The following GNAQ variants were observed in gnomAD, a reference collection of about 807,000 sequenced individuals.
The protein encoded by GNAQ is G protein subunit alpha q.
GNAQ carries 8 observed loss-of-function variants against 43.9 expected under a neutral mutation model. The ratio of observed to expected loss-of-function variants is 0.18; its 90% CI spans 0.11 to 0.33. The LOEUF (loss-of-function observed/expected upper bound fraction) is 0.33. Among genes scored for constraint, GNAQ ranks in the 10% least tolerant of loss-of-function variants. The pLI is 1.00. For missense variants in GNAQ, 158 were observed against 450.8 expected (o/e 0.35, Z 5.88); for synonymous variants, 155 against 170.7 (o/e 0.91, Z 0.71).
intron 5 of GNAQ, among the ~76,000 whole-genome samples, chr9:77,733,203 A>G (rs1444610065): frequency 6.6e-6 from 1 of 151,898 alleles, no homozygotes; most frequent in African/African-American, 2.4e-5. Flanking sequence ...TGAGTGTTCT[A>G]CCCTGACCAG....
rs59647438 is a variant in GNAQ at position 77,770,557 on chromosome 9, G to C, written c.735+23906C>G. ...TTTCTCGTTACTGTCTTTCCCTTCG[G>C]AAGCAGCTCTACTTCTATGTGAACT... On this transcript the variant is annotated intron_variant, in intron 5 of 6. Transcript: ENST00000286548. 4.7e-3 allele frequency among the ~76,000 whole-genome samples: 710 copies of C among 152,334 alleles called. 5 individuals carry two copies. The highest frequency in any genetic ancestry group is 0.016 in the African/African-American group (658 of 41,566).
chr9:77,798,284 T>C (rs1002440832), intron 3 of GNAQ, among the ~76,000 whole-genome samples: 6 of 152,216 alleles, frequency 3.9e-5, no homozygotes, highest in African/African-American at 1.2e-4. Flanking sequence ...TATCTAGTTA[T>C]ATGATACTTG....
chr9:77,939,016 G>C (rs1054756067), intron 1 of GNAQ, among the ~76,000 whole-genome samples: 2 of 152,192 alleles, frequency 1.3e-5, no homozygotes, highest in African/African-American at 4.8e-5. Flanking sequence ...AAGGAGGAGA[G>C]GGCAGCCTTG....
chr9:77,864,149 A>C (rs1827909197), intron 2 of GNAQ, among the ~76,000 whole-genome samples: 1 of 147,420 alleles, frequency 6.8e-6, no homozygotes. Context: ...AGGAAGAAAG[A>C]GGGGAGGAAG....
intron 5 of GNAQ, among the ~76,000 whole-genome samples, chr9:77,773,748 G>T (rs956294717): frequency 2.6e-5 from 4 of 152,200 alleles, no homozygotes; most frequent in Admixed American, 6.5e-5. Context: ...GTGAAAACAT[G>T]TTAGAGATGT....
chr9:77,909,898 T>C (rs920534318), intron 2 of GNAQ, among the ~76,000 whole-genome samples: 4 of 152,108 alleles, frequency 2.6e-5, no homozygotes, highest in Admixed American at 1.3e-4. Flanking sequence ...TATCATAATA[T>C]AACATGAAAT....
At chr9:77,938,865 C>G (rs1315291774) in intron 1 of GNAQ, among the ~76,000 whole-genome samples, 1 of 152,206 alleles carries the variant, frequency 6.6e-6, no homozygotes, top group African/African-American at 2.4e-5. Context: ...GTATGCACAA[C>G]TGAATATTCA....
intron 2 of GNAQ, among the ~76,000 whole-genome samples, chr9:77,834,269 A>G (rs1163919154): frequency 1.3e-5 from 2 of 152,214 alleles, no homozygotes; most frequent in Non-Finnish European, 2.9e-5. Flanking sequence ...GTTCTCTTGT[A>G]GTTTACAACC....
intron 1 of GNAQ, among the ~76,000 whole-genome samples, chr9:77,925,213 T>C (rs1829053425): frequency 6.6e-6 from 1 of 152,158 alleles, no homozygotes; most frequent in South Asian, 2.1e-4. Context: ...CGTTTCCTTC[T>C]GGAGCTCTGA....
intron 6 of GNAQ, among the ~76,000 whole-genome samples, chr9:77,727,457 C>T (rs1825415296): frequency 1.3e-5 from 2 of 152,164 alleles, no homozygotes; most frequent in Non-Finnish European, 2.9e-5. Context: ...CAGGATTTCA[C>T]AGTCTAGTTG....
intron 5 of GNAQ, among the ~76,000 whole-genome samples, chr9:77,751,982 T>A (rs950064642): frequency 2.0e-5 from 3 of 152,258 alleles, no homozygotes; most frequent in African/African-American, 7.2e-5. Flanking sequence ...ACAGTGCTCA[T>A]GTTCAGGCTG....
rs569916985 is a variant in GNAQ, at chr9:77,920,410, A to G, written c.321+1751T>C. On this transcript the variant is annotated intron_variant, in intron 2 of 6. Coordinates refer to ENST00000286548, the MANE Select transcript of GNAQ (RefSeq NM_002072.5). ...GCAGTGTGGTGTGTATATATAAAAA[A>G]CAAATAGCACACACATGGTAAGTCA... Among the ~76,000 whole-genome samples the G allele has an allele frequency of 6.2e-4, 94 of 152,306 alleles. No homozygotes were observed. In the South Asian group the frequency reaches 7.9e-3, roughly 13 times the overall value.
chr9:77,804,108 AAC>A (rs10531596), intron 3 of GNAQ, among the ~76,000 whole-genome samples: 81,579 of 151,834 alleles, frequency 0.54, 24,621 homozygotes, highest in Non-Finnish European at 0.68. Context: ...CTTTATCAAT[AAC>A]AGTTTTGAGG....
intron 2 of GNAQ, among the ~76,000 whole-genome samples, chr9:77,884,510 ATAATG>A (rs1828270100): frequency 6.6e-6 from 1 of 152,228 alleles, no homozygotes; most frequent in South Asian, 2.1e-4. Context: ...GCGACTTCCC[ATAATG>A]GTGAATAAGG....
At chr9:77,940,116 G>C (rs1256566667) in intron 1 of GNAQ, among the ~76,000 whole-genome samples, 1 of 152,170 alleles carries the variant, frequency 6.6e-6, no homozygotes, top group Non-Finnish European at 1.5e-5. Context: ...TGGAATAGAA[G>C]AAGGTTGTAA....
chr9:77,981,830 C>T (rs1823372406), intron 1 of GNAQ, among the ~76,000 whole-genome samples: 1 of 152,190 alleles, frequency 6.6e-6, no homozygotes, highest in Non-Finnish European at 1.5e-5. Context: ...TGCATTTTCA[C>T]TCTGCTGCTC....
At chr9:77,867,677 A>C (rs774381021) in intron 2 of GNAQ, among the ~76,000 whole-genome samples, 2 of 152,226 alleles carry the variant, frequency 1.3e-5, no homozygotes, top group Non-Finnish European at 2.9e-5. Context: ...GAAGAGCAAC[A>C]GTAACTGTGT....
At chr9:77,916,653 G>A (rs1171566698) in intron 2 of GNAQ, among the ~76,000 whole-genome samples, 1 of 152,086 alleles carries the variant, frequency 6.6e-6, no homozygotes, top group Non-Finnish European at 1.5e-5. Context: ...GGGAAACACA[G>A]GTGTCAGGCC....
At chr9:77,833,812 C>T (rs537861107) in intron 2 of GNAQ, among the ~76,000 whole-genome samples, 10 of 152,168 alleles carry the variant, frequency 6.6e-5, no homozygotes, top group Admixed American at 5.2e-4. Context: ...CCCTTTCTTT[C>T]GTAGAAATAC....
Sources: gnomAD v4.1 joint callset for allele counts (sites outside exome capture counted in the v4.1 genomes callset) on GRCh38, gnomAD v4.1.1 for gene constraint, MANE v1.5 for transcripts, NCBI Gene and HGNC (gene_info 2026-07-23, HGNC 2026-07-21) for gene names.